Variants in FGF14 observed in about 807,000 individuals in gnomAD.
FGF14 encodes the protein fibroblast growth factor homologous factor 4.
In FGF14, 5 loss-of-function variants were observed where a neutral mutation model predicts 25.5. The ratio of observed to expected loss-of-function variants is 0.20; its 90% CI spans 0.10 to 0.41. The LOEUF (loss-of-function observed/expected upper bound fraction) is 0.41, where lower values mean the gene tolerates loss of function less well. FGF14 is among the 10% of genes least tolerant of loss of function. FGF14 has a pLI of 1.00. For missense variants in FGF14, 222 were observed against 320.1 expected, an observed-to-expected ratio of 0.69 and a Z score of 2.34; for synonymous variants, 138 against 118.3, an observed-to-expected ratio of 1.17 and a Z score of -1.08.
intron 2 of FGF14, among the ~76,000 whole-genome samples, chr13:101,869,299 C>A (rs944112840): frequency 1.3e-5 from 2 of 152,184 alleles, no homozygotes; most frequent in African/African-American, 2.4e-5. Context: ...GTGGTAGAAC[C>A]AATATGATAC....
chr13:101,917,064 C>T (rs1411438126), upstream of FGF14, among the ~76,000 whole-genome samples: 2 of 151,404 alleles, frequency 1.3e-5, no homozygotes, highest in African/African-American at 2.4e-5. Flanking sequence ...GGCGGCTCCC[C>T]GGGCGCCGGC....
chr13:102,000,988 G>T (rs138872233), intron 1 of FGF14, among the ~76,000 whole-genome samples: 2 of 152,258 alleles, frequency 1.3e-5, no homozygotes, highest in Non-Finnish European at 2.9e-5. Flanking sequence ...TAGAACAAAA[G>T]TTCAAGGCTG....
chr13:101,850,103 G>A (rs2043673193), intron 3 of FGF14, among the ~76,000 whole-genome samples: 1 of 151,624 alleles, frequency 6.6e-6, no homozygotes, highest in African/African-American at 2.4e-5. Context: ...CAAATGCAAT[G>A]TAAGCAAAAT....
At chr13:101,925,349 G>C (rs1238893877) in intron 1 of FGF14, among the ~76,000 whole-genome samples, 1 of 152,158 alleles carries the variant, frequency 6.6e-6, no homozygotes, top group African/African-American at 2.4e-5. Flanking sequence ...TATATGACCT[G>C]AAAGCGTACC....
At chr13:102,210,851 G>A (rs540697937) in intron 1 of FGF14, among the ~76,000 whole-genome samples, 1 of 152,246 alleles carries the variant, frequency 6.6e-6, no homozygotes, top group African/African-American at 2.4e-5. Context: ...AACTCCAGAA[G>A]GGCAAAATAG....
intron 1 of FGF14, among the ~76,000 whole-genome samples, chr13:102,212,111 C>A (rs1014441748): frequency 1.7e-4 from 26 of 152,274 alleles, no homozygotes; most frequent in African/African-American, 5.3e-4. Context: ...ATTCCCCAAC[C>A]AGTTCCACAA....
intron 1 of FGF14, among the ~76,000 whole-genome samples, chr13:102,385,841 C>T (rs993083780): frequency 5.3e-5 from 8 of 152,154 alleles, no homozygotes; most frequent in African/African-American, 1.9e-4. Context: ...TTTGTATTTG[C>T]CTTTCAAATT....
At chr13:101,817,712 C>T (rs555180858) in intron 3 of FGF14, among the ~76,000 whole-genome samples, 2 of 152,320 alleles carry the variant, frequency 1.3e-5, no homozygotes, top group Non-Finnish European at 2.9e-5. Context: ...AGTGACACTG[C>T]CTTTCTTCTC....
chr13:101,790,175 CA>C (rs1247906019), intron 3 of FGF14, among the ~76,000 whole-genome samples: 2 of 151,024 alleles, frequency 1.3e-5, no homozygotes, highest in Non-Finnish European at 2.9e-5. Flanking sequence ...TCATTTTTAC[CA>C]AGCTTTATTT....
chr13:102,213,161 G>A (rs1674056757), intron 1 of FGF14, among the ~76,000 whole-genome samples: 1 of 152,178 alleles, frequency 6.6e-6, no homozygotes, highest in Admixed American at 6.5e-5. Flanking sequence ...GCAATTTCAG[G>A]ATCAGTATAC....
At chr13:102,144,335 T>A (rs1221916130) in intron 1 of FGF14, among the ~76,000 whole-genome samples, 1 of 152,210 alleles carries the variant, frequency 6.6e-6, no homozygotes, top group African/African-American at 2.4e-5. Flanking sequence ...CAAAAACTTT[T>A]GATTAGATCA....
chr13:101,726,423 A>T (rs768888849), intron 4 of FGF14, among the ~76,000 whole-genome samples, 189 bp downstream of exon 4: 1 of 152,020 alleles, frequency 6.6e-6, no homozygotes, highest in Non-Finnish European at 1.5e-5. Flanking sequence ...CAAATATAGT[A>T]AAGTGTATAA....
At chr13:102,269,368 G>T (rs1164296877) in intron 1 of FGF14, among the ~76,000 whole-genome samples, 1 of 152,108 alleles carries the variant, frequency 6.6e-6, no homozygotes, top group African/African-American at 2.4e-5. Flanking sequence ...GCATAATTCT[G>T]CTTTTAATTT....
intron 1 of FGF14, among the ~76,000 whole-genome samples, chr13:102,092,834 G>A (rs1449915799): frequency 1.3e-5 from 2 of 152,066 alleles, no homozygotes; most frequent in Non-Finnish European, 1.5e-5. Context: ...TTTAAGGTTT[G>A]AGAAGAAAAG....
intron 1 of FGF14, among the ~76,000 whole-genome samples, chr13:102,264,395 T>C (rs2052878352): frequency 6.6e-6 from 1 of 152,164 alleles, no homozygotes; most frequent in African/African-American, 2.4e-5. Context: ...GCACGAAAAC[T>C]GGCCAAAATT....
At chr13:102,058,556 G>A (rs1010372090) in intron 1 of FGF14, among the ~76,000 whole-genome samples, 1 of 152,110 alleles carries the variant, frequency 6.6e-6, no homozygotes, top group Non-Finnish European at 1.5e-5. Flanking sequence ...TATTTGCATT[G>A]TAGAGAGTAG....
At chr13:102,300,964 C>T (rs1025323171) in intron 1 of FGF14, among the ~76,000 whole-genome samples, 34 of 144,322 alleles carry the variant, frequency 2.4e-4, no homozygotes, top group African/African-American at 8.2e-4. Flanking sequence ...CACACACACA[C>T]GTTTAACCTT....
At chr13:101,867,484 C>T (rs915373217) in intron 3 of FGF14, among the ~76,000 whole-genome samples, 5 of 151,884 alleles carry the variant, frequency 3.3e-5, no homozygotes, top group African/African-American at 1.2e-4. Context: ...ATGTTTAGGC[C>T]CCTAAAATAT....
At chr13:102,058,580 G>A (rs768349570) in intron 1 of FGF14, among the ~76,000 whole-genome samples, 2 of 152,020 alleles carry the variant, frequency 1.3e-5, no homozygotes, top group Admixed American at 6.6e-5. Flanking sequence ...AATATAAAGG[G>A]TAAAAAATAA....
Sources: allele counts gnomAD v4.1 joint callset (sites outside exome capture counted in the v4.1 genomes callset), GRCh38; gene constraint gnomAD v4.1.1; transcripts MANE v1.5; gene names NCBI Gene and HGNC (gene_info 2026-07-23, HGNC 2026-07-21).